The following PDE11A variants were observed in gnomAD, a reference collection of about 807,000 sequenced individuals.
PDE11A encodes phosphodiesterase 11A, also known as dual 3',5'-cyclic-AMP and -GMP phosphodiesterase 11A.
Under a neutral mutation model 100.5 loss-of-function variants are expected in PDE11A, and 100 were observed. The observed-to-expected ratio is 1.00, with a 90% CI of 0.85 to 1.18. The LOEUF (loss-of-function observed/expected upper bound fraction) is 1.18. Among genes scored for constraint, PDE11A ranks in the 50% most tolerant of loss-of-function variants. The pLI is 0.00. For missense variants in PDE11A, 1,141 were observed against 1,152.6 expected, an observed-to-expected ratio of 0.99 and a Z score of 0.15; for synonymous variants, 381 against 420.8, an observed-to-expected ratio of 0.91 and a Z score of 1.16.
At chr2:177,746,036 A>G (rs538396520) in intron 10 of PDE11A, among the ~76,000 whole-genome samples, 57 of 152,340 alleles carry the variant, frequency 3.7e-4, no homozygotes, top group Non-Finnish European at 4.1e-4. Flanking sequence ...GTCAGACCTG[A>G]GCCTCAATGA....
At chr2:177,830,258 C>T (rs116217185) in intron 6 of PDE11A, among the ~76,000 whole-genome samples, 3,273 of 152,262 alleles carry the variant, frequency 0.021, 62 homozygotes, top group South Asian at 0.044. Flanking sequence ...GAGAACCCAG[C>T]AATGCCATGC....
At chr2:177,757,416 A>G (rs1271013427) in intron 10 of PDE11A, among the ~76,000 whole-genome samples, 2 of 152,258 alleles carry the variant, frequency 1.3e-5, no homozygotes, top group African/African-American at 2.4e-5. Flanking sequence ...ATTCAATGAA[A>G]TAAGAGCTAT....
At chr2:177,737,451 A>AC (rs1208064010) in intron 10 of PDE11A, among the ~76,000 whole-genome samples, 1 of 149,058 alleles carries the variant, frequency 6.7e-6, no homozygotes, top group African/African-American at 2.4e-5. Flanking sequence ...ACACACACAA[A>AC]TTAGCCAGGC....
At chr2:177,669,683 A>G (rs183496504) in intron 17 of PDE11A, 116 bp from the exon 18 acceptor site, 408 of 726,060 alleles carry the variant, frequency 5.6e-4, no homozygotes, top group Non-Finnish European at 9.1e-4. Flanking sequence ...TAAAAAGCTT[A>G]TGAGGAAGTA....
At chr2:177,950,900 C>A (rs2085497907) in intron 2 of PDE11A, among the ~76,000 whole-genome samples, 1 of 152,096 alleles carries the variant, frequency 6.6e-6, no homozygotes, top group South Asian at 2.1e-4. Flanking sequence ...CCATTGCACT[C>A]CGGCCTGGGC....
chr2:178,069,435 G>A (rs1347337587), intron 1 of PDE11A, among the ~76,000 whole-genome samples: 1 of 152,104 alleles, frequency 6.6e-6, no homozygotes, highest in Non-Finnish European at 1.5e-5. Context: ...AATGGAAAAA[G>A]AAAAGAGAAA....
intron 2 of PDE11A, among the ~76,000 whole-genome samples, chr2:177,958,075 G>T (rs2105787676): frequency 6.6e-6 from 1 of 151,966 alleles, no homozygotes; most frequent in Non-Finnish European, 1.5e-5. Flanking sequence ...ATTTTTAGTA[G>T]ACACGGGGTT....
intron 1 of PDE11A, among the ~76,000 whole-genome samples, chr2:178,030,582 GA>G (rs890018768): frequency 2.3e-4 from 33 of 143,038 alleles, no homozygotes; most frequent in South Asian, 2.2e-4. Context: ...AGTATTCTAA[GA>G]AAAAAAAAAA....
chr2:177,682,512 G>A (rs539805792), intron 15 of PDE11A, among the ~76,000 whole-genome samples: 4 of 152,126 alleles, frequency 2.6e-5, no homozygotes, highest in African/African-American at 4.8e-5. Flanking sequence ...GCGTAGATAC[G>A]GAAAAGACAA....
intron 10 of PDE11A, among the ~76,000 whole-genome samples, chr2:177,754,484 G>T (rs191721465): frequency 2.0e-5 from 3 of 152,202 alleles, no homozygotes; most frequent in Non-Finnish European, 4.4e-5. Flanking sequence ...TAGAATTTGT[G>T]TTCATACATT....
At chr2:177,794,943 G>A (rs1403159715) in intron 9 of PDE11A, among the ~76,000 whole-genome samples, 2 of 151,870 alleles carry the variant, frequency 1.3e-5, no homozygotes, top group African/African-American at 4.8e-5. Context: ...CCACCACCAT[G>A]CCCAGCTGAT....
intron 5 of PDE11A, among the ~76,000 whole-genome samples, chr2:177,865,684 G>A (rs1331584171): frequency 6.6e-6 from 1 of 152,110 alleles, no homozygotes; most frequent in Non-Finnish European, 1.5e-5. Context: ...AAGAATGAAG[G>A]AATAAAGTGC....
At chr2:177,863,208 G>C (rs2083972114) in intron 5 of PDE11A, among the ~76,000 whole-genome samples, 2 of 151,762 alleles carry the variant, frequency 1.3e-5, no homozygotes, top group South Asian at 4.1e-4. Flanking sequence ...CTAAATATAA[G>C]ACCAAAAACT....
At chr2:177,968,779 C>T (rs2020215) in intron 2 of PDE11A, among the ~76,000 whole-genome samples, 42,360 of 151,936 alleles carry the variant, frequency 0.28, 6,479 homozygotes, top group African/African-American at 0.41. Flanking sequence ...CAGATGCTGG[C>T]GAGGATATGG....
At chr2:177,742,555 G>A (rs548817056) in intron 10 of PDE11A, among the ~76,000 whole-genome samples, 1 of 152,294 alleles carries the variant, frequency 6.6e-6, no homozygotes, top group East Asian at 1.9e-4. Context: ...GTGAGGGCTT[G>A]CTATGTGTCA....
chr2:177,988,945 G>T (rs1037417771), intron 2 of PDE11A, among the ~76,000 whole-genome samples: 1 of 152,186 alleles, frequency 6.6e-6, no homozygotes, highest in Non-Finnish European at 1.5e-5. Context: ...GATGCATCAA[G>T]ATATGTGTGT....
rs948501893 is a variant in PDE11A, at chr2:177,701,145, G to A, written c.2220C>T (p.His740=). 16 of 1,602,238 alleles carry A rather than the reference G, an allele frequency of 1.0e-5. No homozygotes were observed. Among genetic ancestry groups the A allele is most frequent in the South Asian group, 1.1e-5 (1 of 90,872 alleles). ...CCTCACTTTGAAGGATCATCACGGC[G>A]TGGTTGAAATGGTGATGCTCCAAGG... The part of the protein sequence containing the change: ...SATLEHHHFN[H]AVMILQSEGH... The change falls in exon 14 of 20, where the codon CAC becomes CAT. Residue 740 remains histidine (H), a synonymous_variant. Transcript: ENST00000286063.
At chr2:177,724,583 C>T (rs1479556474) in intron 12 of PDE11A, among the ~76,000 whole-genome samples, 1 of 152,090 alleles carries the variant, frequency 6.6e-6, no homozygotes, top group Non-Finnish European at 1.5e-5. Context: ...AATACACAAT[C>T]ACAGATTTAA....
intron 19 of PDE11A, among the ~76,000 whole-genome samples, chr2:177,658,532 A>T (rs770324538): frequency 6.4e-5 from 9 of 139,738 alleles, no homozygotes; most frequent in Non-Finnish European, 1.4e-4. Context: ...CCTTCCCTAC[A>T]TTCCTCCCTT....
Sources: allele counts gnomAD v4.1 joint callset (sites outside exome capture counted in the v4.1 genomes callset), GRCh38; gene constraint gnomAD v4.1.1; transcripts MANE v1.5; gene names NCBI Gene and HGNC (gene_info 2026-07-23, HGNC 2026-07-21).